CCDC73: variants seen among roughly 807,000 people sequenced by gnomAD.
The protein encoded by CCDC73 is coiled-coil domain containing 73.
CCDC73 carries 95 observed loss-of-function variants against 116.5 expected under a neutral mutation model. The ratio of observed to expected loss-of-function variants is 0.82; its 90% CI spans 0.69 to 0.97. CCDC73 has a LOEUF of 0.97. Ranked by LOEUF, CCDC73 falls within the 50% of genes least tolerant of loss-of-function variation. The pLI, the probability that CCDC73 is intolerant of heterozygous loss-of-function variation, is 0.00. For missense variants in CCDC73, 1,066 were observed against 1,206.8 expected (o/e 0.88, Z 1.73); for synonymous variants, 398 against 401.3 (o/e 0.99, Z 0.10).
intron 1 of CCDC73, among the ~76,000 whole-genome samples, chr11:32,765,608 A>G (rs2133382086): frequency 6.6e-6 from 1 of 152,368 alleles, no homozygotes; most frequent in Middle Eastern, 3.4e-3. Context: ...GGACACATTT[A>G]AAGCAGTGTG....
the CCDC73 span, among the ~76,000 whole-genome samples, chr11:32,817,659 C>T: frequency 0.017 from 2,580 of 152,280 alleles, 79 homozygotes; most frequent in African/African-American, 0.059. Context: ...CATGACTCCT[C>T]ACTACCTACT....
intron 13 of CCDC73, 138 bp downstream of exon 13, chr11:32,641,834 G>T: frequency 4.7e-6 from 3 of 644,630 alleles, no homozygotes; most frequent in Non-Finnish European, 6.6e-6. Context: ...CACCTTTTTG[G>T]AAATATGAGA....
intron 6 of CCDC73, among the ~76,000 whole-genome samples, chr11:32,695,547 G>A (rs1357660291): frequency 1.3e-5 from 2 of 152,106 alleles, no homozygotes; most frequent in African/African-American, 4.8e-5. Context: ...TGGTAAAGAC[G>A]TTAGCATTTT....
In CCDC73 at chr11:32,768,844, C is replaced by CA. The variant is rs977807854; in HGVS notation, c.-15-8587dup. Among the ~76,000 whole-genome samples the CA allele has an allele frequency of 2.6e-5, 4 of 151,692 alleles. No homozygotes were observed. In the East Asian group the frequency reaches 5.8e-4, roughly 22 times the overall value. On this transcript the variant is annotated intron_variant, in intron 1 of 17. Transcript: ENST00000335185. ...TAGGCGACGGAGTGAGACTCCATCTCAAAAAAATAAAAGAAAGAAAAGAGA... is the reference window on the plus strand; with the variant it reads ...TAGGCGACGGAGTGAGACTCCATCTCAAAAAAAATAAAAGAAAGAAAAGAGA...
intron 3 of CCDC73, among the ~76,000 whole-genome samples, chr11:32,711,659 G>A (rs1849901738): frequency 6.6e-6 from 1 of 152,180 alleles, no homozygotes; most frequent in Admixed American, 6.5e-5. Flanking sequence ...ACTGGGTACA[G>A]TGTAGACTGT....
the CCDC73 span, among the ~76,000 whole-genome samples, chr11:32,825,917 TG>T: frequency 1.3e-5 from 2 of 152,158 alleles, no homozygotes; most frequent in African/African-American, 4.8e-5. Context: ...CATAGGTCCC[TG>T]GGGGCAGCTC....
At chr11:32,819,192 A>T in the CCDC73 span, among the ~76,000 whole-genome samples, 4 of 151,972 alleles carry the variant, frequency 2.6e-5, no homozygotes, top group Non-Finnish European at 4.4e-5. Context: ...AAGATATTTA[A>T]TATGGTCTTA....
chr11:32,786,895 TA>T (rs1325504987), intron 1 of CCDC73, among the ~76,000 whole-genome samples: 3 of 152,102 alleles, frequency 2.0e-5, no homozygotes, highest in Admixed American at 2.0e-4. Context: ...GCCTGACTTT[TA>T]AGTGGGAGGT....
At position 32,788,217 on chromosome 11, in the gene CCDC73, G is replaced by A. The variant is rs1213259702; in HGVS notation, c.-16+6396C>T. On this transcript the variant is annotated intron_variant, in intron 1 of 17. Transcript: ENST00000335185. ...ATATCCTTTGGAAAAGGCAAGAGAA[G>A]GATACTTGAAAACCATGAATCAAAG... Among the ~76,000 whole-genome samples the A allele has an allele frequency of 2.0e-5, 3 of 152,202 alleles. No homozygotes were observed. In the East Asian group the frequency reaches 5.8e-4, roughly 29 times the overall value.
intron 2 of CCDC73, among the ~76,000 whole-genome samples, chr11:32,758,831 A>G (rs183398894): frequency 6.6e-6 from 1 of 152,272 alleles, no homozygotes; most frequent in Admixed American, 6.5e-5. Flanking sequence ...ATTTTAAGCT[A>G]ATTTTACAAA....
intron 1 of CCDC73, among the ~76,000 whole-genome samples, chr11:32,763,485 G>C (rs1272083417): frequency 6.6e-6 from 1 of 152,194 alleles, no homozygotes; most frequent in Non-Finnish European, 1.5e-5. Flanking sequence ...AGGCAAACAG[G>C]GTCTGGTGTA....
chr11:32,755,074 G>A (rs557864889), intron 2 of CCDC73, among the ~76,000 whole-genome samples: 1 of 149,754 alleles, frequency 6.7e-6, no homozygotes, highest in East Asian at 2.0e-4. Flanking sequence ...TTTTAGTAGA[G>A]ACAGGGTTTC....
At chr11:32,708,901 CT>C (rs1290283440) in intron 3 of CCDC73, among the ~76,000 whole-genome samples, 1 of 150,622 alleles carries the variant, frequency 6.6e-6, no homozygotes, top group East Asian at 2.0e-4. Context: ...TATGCCCTTT[CT>C]TTCTTTTGTC....
At chr11:32,804,535 G>A in the CCDC73 span, among the ~76,000 whole-genome samples, 88,579 of 151,574 alleles carry the variant, frequency 0.58, 26,182 homozygotes, top group East Asian at 0.84. Context: ...AATTAGCTCA[G>A]TTTTCACGTT....
intron 7 of CCDC73, 81 bp from the exon 8 acceptor site, chr11:32,676,102 T>C (rs906522655): frequency 1.7e-6 from 2 of 1,172,088 alleles, no homozygotes; most frequent in Non-Finnish European, 2.3e-6. Context: ...AAATATATTG[T>C]GGTAAACCAC....
chr11:32,701,724 CAG>C (rs1306488948), intron 4 of CCDC73, among the ~76,000 whole-genome samples: 1 of 151,984 alleles, frequency 6.6e-6, no homozygotes, highest in African/African-American at 2.4e-5. Flanking sequence ...CATTTTAAAA[CAG>C]AAAAACTAAA....
intron 6 of CCDC73, among the ~76,000 whole-genome samples, chr11:32,693,288 C>T (rs933849530): frequency 3.9e-5 from 6 of 152,122 alleles, no homozygotes; most frequent in Non-Finnish European, 7.4e-5. Flanking sequence ...GTTTCCTTGC[C>T]TAGTGGATTT....
chr11:32,730,834 C>T (rs1404496125), intron 2 of CCDC73, among the ~76,000 whole-genome samples: 1 of 152,222 alleles, frequency 6.6e-6, no homozygotes, highest in African/African-American at 2.4e-5. Context: ...CAGTCTACAG[C>T]TCCTAGCATG....
In CCDC73 at chr11:32,655,098, G is replaced by GTGTATTTTCTCTAC. The variant is rs775111570; in HGVS notation, c.646-127_646-126insGTAGAGAAAATACA. On this transcript the variant is annotated intron_variant, in intron 9 of 17. Coordinates refer to ENST00000335185, the MANE Select transcript of CCDC73 (RefSeq NM_001008391.4). ...ATAATTTGTTATAATTCCCTTGCAA[G>GTGTATTTTCTCTAC]TTCCCTTGCAAGATTAGCCAAGGTG... 6 of 350,012 alleles carry GTGTATTTTCTCTAC rather than the reference G, an allele frequency of 1.7e-5. No individual in the cohort carries two copies. In the East Asian group the frequency reaches 2.2e-4, roughly 13 times the overall value. The allele number at this position is 350,012 out of a possible 1,614,324, so 21.7% of individuals were successfully genotyped here.
Sources: allele counts gnomAD v4.1 joint callset (sites outside exome capture counted in the v4.1 genomes callset), GRCh38; gene constraint gnomAD v4.1.1; transcripts MANE v1.5; gene names NCBI Gene and HGNC (gene_info 2026-07-23, HGNC 2026-07-21).